The following LCA5 variants were observed in gnomAD, a reference collection of about 807,000 sequenced individuals.
The protein encoded by LCA5 is lebercilin.
LCA5 carries 37 observed loss-of-function variants against 53.0 expected under a neutral mutation model. That is an observed-to-expected ratio of 0.70 (90% confidence interval 0.54 to 0.92). The LOEUF (loss-of-function observed/expected upper bound fraction) is 0.92. Ranked by LOEUF, LCA5 falls within the 40% of genes least tolerant of loss-of-function variation. LCA5 has a pLI of 0.00. For missense variants in LCA5, 806 were observed against 790.5 expected, an observed-to-expected ratio of 1.02 and a Z score of -0.23; for synonymous variants, 303 against 282.9, an observed-to-expected ratio of 1.07 and a Z score of -0.71.
chr6:79,507,617 A>G (rs1770304065), intron 3 of LCA5, among the ~76,000 whole-genome samples: 1 of 152,102 alleles, frequency 6.6e-6, no homozygotes, highest in African/African-American at 2.4e-5. Flanking sequence ...ATGATCCTGT[A>G]CGGCAGACAC....
At chr6:79,488,512 C>T (rs1769739141) in intron 7 of LCA5, 1 of 154,136 alleles carries the variant, frequency 6.5e-6, no homozygotes, top group Non-Finnish European at 1.4e-5. Flanking sequence ...CTATCAAGAA[C>T]AATATTGTAT....
intron 1 of LCA5, among the ~76,000 whole-genome samples, chr6:79,522,827 T>G (rs1766662369): frequency 2.0e-5 from 3 of 151,962 alleles, no homozygotes; most frequent in Admixed American, 1.3e-4. Flanking sequence ...ACTACAGGCA[T>G]GCGCCACCAC....
chr6:79,525,997 C>T (rs973293060), intron 1 of LCA5, among the ~76,000 whole-genome samples: 1 of 152,150 alleles, frequency 6.6e-6, no homozygotes, highest in Admixed American at 6.5e-5. Context: ...GGGATTTATA[C>T]CCTCACTAAA....
intron 1 of LCA5, among the ~76,000 whole-genome samples, chr6:79,530,201 A>C (rs940689418): frequency 2.0e-5 from 3 of 152,170 alleles, no homozygotes; most frequent in Non-Finnish European, 4.4e-5. Context: ...AGAATATTTG[A>C]AATGGTTTGT....
In LCA5 at chr6:79,487,750, T is replaced by G. The variant is rs749579983; in HGVS notation, c.1348A>C (p.Asn450His). ...RYQLGMYPIQNMDKLQGEEEE... is the reference protein window; with the variant it reads ...RYQLGMYPIQHMDKLQGEEEE... ...TCCTCTCCTTGCAATTTATCCATAT[T>G]CTGAATTGGATACATTCCTAGTTGG... is the stretch of plus-strand genomic sequence containing the variant. The change falls in exon 8 of 8, where the codon AAT (asparagine) becomes CAT (histidine). Residue 450 changes from asparagine (N) to histidine (H), a missense_variant. Asn to His is a moderately conservative substitution (Grantham distance 68). Coordinates refer to ENST00000369846, the MANE Select transcript of LCA5 (RefSeq NM_001122769.3). The G allele has an allele frequency of 6.2e-6, 10 of 1,613,702 alleles. No individual in the cohort carries two copies. The highest frequency in any genetic ancestry group is 1.7e-5 in the Admixed American group (1 of 59,994).
intron 7 of LCA5, 44 bp downstream of exon 7, chr6:79,489,040 G>A (rs910346137): frequency 3.7e-6 from 6 of 1,606,988 alleles, no homozygotes; most frequent in South Asian, 1.1e-5. Flanking sequence ...TCTTTCTCAA[G>A]GGATGCTGAC....
At chr6:79,515,420 T>C (rs1766398339) in intron 2 of LCA5, among the ~76,000 whole-genome samples, 1 of 152,088 alleles carries the variant, frequency 6.6e-6, no homozygotes, top group Admixed American at 6.6e-5. Flanking sequence ...TCCTAAAAAA[T>C]ATAAGTATAT....
Position 79,513,455 on chromosome 6 carries a change from TTG to T in LCA5, c.475_476del (p.Gln159ThrfsTer6). On this transcript the variant is annotated frameshift_variant, in exon 3 of 8. Coordinates refer to ENST00000369846, the MANE Select transcript of LCA5 (RefSeq NM_001122769.3). LOFTEE classifies it high-confidence loss of function. ...TCTCATTGTTATGACGAAATATAAG[TTG>T]TGAGATTTCATTTTCGGCATCTTCA... ...KFEDAENEIS[Q>X]LIFRHNNEIT... is the part of the protein sequence containing the mutation. The T allele has an allele frequency of 1.2e-6, 2 of 1,613,986 alleles. No individual in the cohort carries two copies. The highest frequency in any genetic ancestry group is 1.7e-6 in the Non-Finnish European group (2 of 1,179,922).
intron 1 of LCA5, among the ~76,000 whole-genome samples, chr6:79,527,330 T>C (rs1766820895): frequency 6.6e-6 from 1 of 152,106 alleles, no homozygotes; most frequent in African/African-American, 2.4e-5. Context: ...TGGAAGTTAA[T>C]ATGGCTAAAA....
rs139892282 is a variant in LCA5, at chr6:79,492,587, G to T, written c.919C>A (p.Pro307Thr). Residue 307 changes from proline (P) to threonine (T), a missense_variant, in exon 5 of 8, where the codon CCA becomes ACA. Coordinates refer to ENST00000369846, the MANE Select transcript of LCA5 (RefSeq NM_001122769.3). ...AATGCAAGTTCTTTCTCTTTATTTG[G>T]AGAGGACTTTGGCAGACGATTAGAA... ...IYSNRLPKSSPNKEKELALRK... is the reference protein window; with the variant it reads ...IYSNRLPKSSTNKEKELALRK... 1.1e-5 allele frequency: 18 copies of T among 1,569,664 alleles called. No homozygotes were observed. In the Middle Eastern group the frequency reaches 7.0e-4, roughly 61 times the overall value.
chr6:79,527,654 C>G (rs1053458326), intron 1 of LCA5, among the ~76,000 whole-genome samples: 6 of 152,160 alleles, frequency 3.9e-5, no homozygotes, highest in Admixed American at 1.3e-4. Context: ...AGCTGGAGAC[C>G]CTTAAAGAAT....
chr6:79,488,632 A>T (rs1052988105), intron 7 of LCA5: 1 of 196,476 alleles, frequency 5.1e-6, no homozygotes, highest in Non-Finnish European at 1.0e-5. Context: ...AGAATGTCCT[A>T]GTTTGGGGAA....
intron 4 of LCA5, 73 bp downstream of exon 4, chr6:79,493,540 C>T: frequency 7.5e-7 from 1 of 1,332,258 alleles, no homozygotes; most frequent in Admixed American, 1.7e-5. Flanking sequence ...TGAATAGTAA[C>T]ATTTAGTGTT....
At position 79,489,131 on chromosome 6, in the gene LCA5, T is replaced by C. The variant is rs1418089523; in HGVS notation, c.1184A>G (p.Asp395Gly). The stretch of plus-strand genomic sequence containing the variant: ...CTGTTTTACGACATGGAGTTCTTCA[T>C]CTGTAACAAATTTTTCTTCTCTTTC... ...IMEREEKFVT[D>G]EELHVVKQEV... Residue 395 changes from aspartate (D) to glycine (G), a missense_variant, in exon 7 of 8, where the codon GAT becomes GGT. Coordinates refer to ENST00000369846, the MANE Select transcript of LCA5 (RefSeq NM_001122769.3). 2 of 1,613,314 alleles carry C rather than the reference T, an allele frequency of 1.2e-6. No homozygotes were observed. The highest frequency in any genetic ancestry group is 1.1e-5 in the South Asian group (1 of 91,060).
At chr6:79,490,954 C>T (rs1268608017) in intron 6 of LCA5, among the ~76,000 whole-genome samples, 6 of 151,838 alleles carry the variant, frequency 4.0e-5, no homozygotes, top group Non-Finnish European at 8.8e-5. Flanking sequence ...CCTTGAATTC[C>T]ACTCTAATTT....
At chr6:79,523,836 TAAAGG>T (rs1466772539) in intron 1 of LCA5, among the ~76,000 whole-genome samples, 13 of 152,184 alleles carry the variant, frequency 8.5e-5, no homozygotes, top group African/African-American at 3.1e-4. Context: ...AATAAGTAAA[TAAAGG>T]AAATATCCAA....
At chr6:79,494,495 A>T (rs1188794897) in intron 3 of LCA5, among the ~76,000 whole-genome samples, 3 of 148,276 alleles carry the variant, frequency 2.0e-5, no homozygotes, top group Non-Finnish European at 4.4e-5. Flanking sequence ...CATCTTATAG[A>T]TAGATAGATA....
chr6:79,530,670 C>A (rs1766932855), intron 1 of LCA5, among the ~76,000 whole-genome samples: 1 of 152,058 alleles, frequency 6.6e-6, no homozygotes, highest in South Asian at 2.1e-4. Context: ...GCAAGTACAT[C>A]CTTAGGAAAT....
chr6:79,510,772 A>T (rs916533283), intron 3 of LCA5, among the ~76,000 whole-genome samples: 7 of 152,204 alleles, frequency 4.6e-5, no homozygotes, highest in African/African-American at 1.4e-4. Flanking sequence ...AAATGGGCAG[A>T]AAAATGCACA....
Sources: gnomAD v4.1 joint callset for allele counts (sites outside exome capture counted in the v4.1 genomes callset) on GRCh38, gnomAD v4.1.1 for gene constraint, MANE v1.5 for transcripts, NCBI Gene and HGNC (gene_info 2026-07-23, HGNC 2026-07-21) for gene names.